The following VWF variants were observed in gnomAD, a reference collection of about 807,000 sequenced individuals.
VWF encodes Factor VIII related antigen.
In VWF, 176 loss-of-function variants were observed where a neutral mutation model predicts 308.6. That is an observed-to-expected ratio of 0.57 (90% CI 0.50 to 0.65). VWF has a LOEUF of 0.65. Among genes scored for constraint, VWF ranks in the 30% least tolerant of loss-of-function variants. The pLI is 0.00. For synonymous variants in VWF, 1,385 were observed against 1,443.4 expected (o/e 0.96, Z 0.92); for missense variants, 3,146 against 3,648.2 (o/e 0.86, Z 3.55).
In VWF at chr12:5,994,175, G is replaced by C. The variant is rs766310019; in HGVS notation, c.6285C>G (p.Asp2095Glu). The C allele has an allele frequency of 6.2e-7, 1 of 1,614,136 alleles. No homozygotes were observed. Among genetic ancestry groups the C allele is most frequent in the Non-Finnish European group, 8.5e-7 (1 of 1,180,036 alleles). The change falls in exon 37 of 52, where the codon GAC (aspartate) becomes GAG (glutamate). Residue 2095 changes from aspartate (D) to glutamate (E), a missense_variant. Transcript: ENST00000261405. ...TGACTGTGCCATCCCTCAGCATGAA[G>C]TCATTGGCTCCGTTCTCATCACAGA... is the stretch of plus-strand genomic sequence containing the variant. ...CGICDENGANDFMLRDGTVTT... is the reference protein window; with the variant it reads ...CGICDENGANEFMLRDGTVTT...
chr12:6,016,948 A>G, intron 28 of VWF, 78 bp from the exon 29 acceptor site: 1 of 1,478,268 alleles, frequency 6.8e-7, no homozygotes, highest in Middle Eastern at 1.8e-4. Context: ...CTGACATCCA[A>G]TAGGATCTGC....
At position 5,949,112 on chromosome 12, in the gene VWF, A is replaced by G. The variant is rs1172733830; in HGVS notation, c.8345T>C (p.Met2782Thr). 9 of 1,614,136 alleles carry G rather than the reference A, an allele frequency of 5.6e-6. No individual in the cohort carries two copies. Among genetic ancestry groups the G allele is most frequent in the Admixed American group, 3.3e-5 (2 of 60,012 alleles). ...SCCSPTRTEP[M>T]QVALHCTNGS... ...ATTGGTGCAGTGCAGGGCCACCTGC[A>G]TGGGCTCCGTCCGTGTCGGAGAGCA... The change falls in exon 52 of 52, where the codon ATG (methionine) becomes ACG (threonine). Residue 2782 changes from methionine to threonine, a missense_variant. By Grantham distance (81) the Met-to-Thr change is moderately conservative (BLOSUM62 -1). Transcript: ENST00000261405.
intron 43 of VWF, among the ~76,000 whole-genome samples, chr12:5,973,107 T>C (rs910108177): frequency 9.2e-5 from 14 of 152,150 alleles, no homozygotes; most frequent in Non-Finnish European, 2.1e-4. Context: ...CTTTTAGCCA[T>C]CCCTCCAAAT....
chr12:6,105,770 T>C (rs1032317450), intron 5 of VWF, among the ~76,000 whole-genome samples: 15 of 152,040 alleles, frequency 9.9e-5, no homozygotes, highest in Non-Finnish European at 2.1e-4. Context: ...GACGCGGTGG[T>C]TCATGCCTGT....
rs2136460661 is a variant in VWF at position 6,062,978 on chromosome 12, A to T, written c.1509T>A (p.Asp503Glu). The T allele has an allele frequency of 3.1e-6, 5 of 1,613,204 alleles. No homozygotes were observed. Among genetic ancestry groups the T allele is most frequent in the Non-Finnish European group, 4.2e-6 (5 of 1,180,006 alleles). Residue 503 changes from aspartate (D) to glutamate (E), a missense_variant, in exon 13 of 52, where the codon GAT (aspartate) becomes GAA (glutamate). By Grantham distance (45) the Asp-to-Glu change is conservative. This residue lies in a region of VWF where 1,304 missense variants were observed against 1,353.0 expected (regional missense o/e 0.96). Coordinates refer to ENST00000261405, the MANE Select transcript of VWF (RefSeq NM_000552.5). ...SYGEDLQMDW[D>E]GRGRLLVKLS... is the part of the protein sequence containing the mutation. ...CCTTCACCAGCAGCCTCCCGCGGCC[A>T]TCCCAGTCCATCTGCAGGTCCTCCC...
chr12:6,082,706 A>G (rs1944927254), intron 6 of VWF, among the ~76,000 whole-genome samples: 1 of 152,222 alleles, frequency 6.6e-6, no homozygotes, highest in South Asian at 2.1e-4. Context: ...TTTTCTGTCC[A>G]TAAATCTTCT....
chr12:5,971,624 C>T lies in VWF; in HGVS notation c.7523G>A (p.Gly2508Glu). The stretch of plus-strand genomic sequence containing the variant: ...ACTCTTCCAGGAAGACTGGGAGTCC[C>T]CCCGCGGTGAGCCAGTCACCACCTC... ...ACEVVTGSPR[G>E]DSQSSWKSVG... Residue 2508 changes from glycine (G) to glutamate (E), a missense_variant, in exon 44 of 52, where the codon GGG (glycine) becomes GAG (glutamate). This residue lies in a region of VWF where 989 missense variants were observed against 1,117.4 expected (regional missense o/e 0.89). Coordinates refer to ENST00000261405, the MANE Select transcript of VWF (RefSeq NM_000552.5). The T allele has an allele frequency of 6.2e-7, 1 of 1,614,180 alleles. No homozygotes were observed. Among genetic ancestry groups the T allele is most frequent in the Non-Finnish European group, 8.5e-7 (1 of 1,180,028 alleles).
chr12:5,968,306 C>T, intron 45 of VWF, 139 bp from the exon 46 acceptor site: 4 of 996,404 alleles, frequency 4.0e-6, no homozygotes, highest in Non-Finnish European at 5.9e-6. Flanking sequence ...CCCCACCCCA[C>T]AACCCAGCGC....
At chr12:6,093,249 G>A (rs1038462894) in intron 6 of VWF, among the ~76,000 whole-genome samples, 2 of 152,110 alleles carry the variant, frequency 1.3e-5, no homozygotes, top group African/African-American at 2.4e-5. Flanking sequence ...TTCAGAGCCC[G>A]AGGACTCATC....
At chr12:6,103,098 T>A (rs943775830) in intron 5 of VWF, among the ~76,000 whole-genome samples, 3 of 151,996 alleles carry the variant, frequency 2.0e-5, no homozygotes, top group African/African-American at 7.2e-5. Context: ...GAGGCCAAGG[T>A]GGGTGGATCA....
intron 15 of VWF, among the ~76,000 whole-genome samples, chr12:6,056,211 C>T (rs73036507): frequency 0.25 from 36,530 of 145,456 alleles, 5,551 homozygotes; most frequent in African/African-American, 0.41. Context: ...TTTGGAGTTC[C>T]ACATCATCAC....
Position 6,057,988 on chromosome 12 carries a change from G to T in VWF, c.1590C>A (p.Asn530Lys), listed in dbSNP as rs769713195. ...AGGGGGTAAGGAAGTCGTCGCCCTG[G>T]TTGCCATTGTAATTCCCACACAGGC... ...TCGLCGNYNG[N>K]QGDDFLTPSG... The change falls in exon 14 of 52, where the codon AAC becomes AAA. Residue 530 changes from asparagine to lysine, a missense_variant. Asn to Lys is a moderately conservative substitution (Grantham distance 94). Coordinates refer to ENST00000261405, the MANE Select transcript of VWF (RefSeq NM_000552.5). 1.9e-6 allele frequency: 3 copies of T among 1,613,594 alleles called. No homozygotes were observed. In the South Asian group the frequency reaches 3.3e-5, roughly 18 times the overall value.
intron 47 of VWF, among the ~76,000 whole-genome samples, chr12:5,954,454 A>T (rs899863828): frequency 1.3e-5 from 2 of 152,224 alleles, no homozygotes; most frequent in African/African-American, 4.8e-5. Context: ...GAAAAAAGGA[A>T]CCATAATGGA....
chr12:6,003,651 CAG>C (rs1943896098), intron 34 of VWF, among the ~76,000 whole-genome samples: 1 of 152,028 alleles, frequency 6.6e-6, no homozygotes, highest in Non-Finnish European at 1.5e-5. Context: ...TAGTCTCATT[CAG>C]AGAGACAGAA....
intron 3 of VWF, among the ~76,000 whole-genome samples, chr12:6,114,222 G>A (rs1289297548): frequency 1.3e-5 from 2 of 152,198 alleles, no homozygotes; most frequent in South Asian, 2.1e-4. Context: ...CCCAGGGACT[G>A]TGGCTGGAGA....
intron 47 of VWF, among the ~76,000 whole-genome samples, chr12:5,957,766 A>G (rs1464956233): frequency 6.6e-6 from 1 of 152,228 alleles, no homozygotes; most frequent in Non-Finnish European, 1.5e-5. Context: ...GCTGAAGGGA[A>G]ATGATATAAT....
intron 47 of VWF, among the ~76,000 whole-genome samples, chr12:5,956,360 G>A (rs754888396): frequency 1.4e-4 from 21 of 152,200 alleles, no homozygotes; most frequent in Non-Finnish European, 2.5e-4. Context: ...CACAGAAGAC[G>A]ACATCTCCAT....
intron 34 of VWF, among the ~76,000 whole-genome samples, chr12:6,000,269 C>A (rs770909539): frequency 6.6e-6 from 1 of 152,114 alleles, no homozygotes; most frequent in East Asian, 1.9e-4. Context: ...ATTTTCCAGG[C>A]CTTCAGGCAA....
chr12:5,949,944 A>G, intron 50 of VWF, 61 bp from the exon 51 acceptor site: 1 of 1,501,284 alleles, frequency 6.7e-7, no homozygotes, highest in Non-Finnish European at 9.2e-7. Context: ...AACACTCTTC[A>G]GCCCCAGTGC....
Sources: gnomAD v4.1 joint callset for allele counts (sites outside exome capture counted in the v4.1 genomes callset) on GRCh38, gnomAD v4.1.1 for gene constraint, gnomAD v4.1.1 regional missense constraint, MANE v1.5 for transcripts, NCBI Gene and HGNC (gene_info 2026-07-23, HGNC 2026-07-21) for gene names.